CAMK1D: variants seen among roughly 807,000 people sequenced by gnomAD.
The protein encoded by CAMK1D is calcium/calmodulin dependent protein kinase ID.
Under a neutral mutation model 47.7 loss-of-function variants are expected in CAMK1D, and 9 were observed. That is an observed-to-expected ratio of 0.19 (90% CI 0.11 to 0.33). CAMK1D has a LOEUF of 0.33. Among genes scored for constraint, CAMK1D ranks in the 10% least tolerant of loss-of-function variants. The pLI, the probability that CAMK1D is intolerant of heterozygous loss-of-function variation, is 1.00. For synonymous variants in CAMK1D, 184 were observed against 184.9 expected (o/e 0.99, Z 0.04); for missense variants, 291 against 488.7 (o/e 0.60, Z 3.81).
At chr10:12,570,766 G>A (rs1263925359) in intron 2 of CAMK1D, among the ~76,000 whole-genome samples, 6 of 150,196 alleles carry the variant, frequency 4.0e-5, no homozygotes, top group East Asian at 2.0e-4. Flanking sequence ...GGAGTTCAAC[G>A]CCAATCTGGC....
chr10:12,425,936 A>G (rs1840214986), intron 1 of CAMK1D, among the ~76,000 whole-genome samples: 1 of 152,246 alleles, frequency 6.6e-6, no homozygotes, highest in Non-Finnish European at 1.5e-5. Context: ...CTGAGAAAAC[A>G]GACTAAAAAA....
chr10:12,518,919 C>G lies in CAMK1D; in HGVS notation c.93-34306C>G. The stretch of plus-strand genomic sequence containing the variant: ...CACAGACCCGGCAACCATCCGATTT[C>G]TCAATTTTTTCCCCACCCTTCCCGC... On this transcript the variant is annotated intron_variant, in intron 1 of 10. Transcript: ENST00000619168. Among the ~76,000 whole-genome samples, 2 of 130,720 alleles carry G rather than the reference C, an allele frequency of 1.5e-5. 1 individual carries two copies. The highest frequency in any genetic ancestry group is 3.4e-5 in the Non-Finnish European group (2 of 59,334). The allele number at this position is 130,720 out of a possible 152,430, so 85.8% of individuals were successfully genotyped here. A position where few individuals can be genotyped will look rare whatever the true frequency, so the allele number is the denominator to read the frequency against.
At chr10:12,360,721 A>T (rs1837633645) in intron 1 of CAMK1D, among the ~76,000 whole-genome samples, 1 of 152,114 alleles carries the variant, frequency 6.6e-6, no homozygotes, top group African/African-American at 2.4e-5. Context: ...TTGAGGGCTG[A>T]GTGAGGCAAG....
At chr10:12,795,822 C>T (rs1357047914) in intron 6 of CAMK1D, among the ~76,000 whole-genome samples, 1 of 152,170 alleles carries the variant, frequency 6.6e-6, no homozygotes, top group Non-Finnish European at 1.5e-5. Flanking sequence ...GTGATGAGTT[C>T]TTATCCTGCC....
chr10:12,473,260 C>G (rs1315422125), intron 1 of CAMK1D, among the ~76,000 whole-genome samples: 1 of 152,064 alleles, frequency 6.6e-6, no homozygotes, highest in Non-Finnish European at 1.5e-5. Flanking sequence ...TCGTGAAGAC[C>G]TTTGCCTATC....
At chr10:12,386,695 T>A (rs1838505856) in intron 1 of CAMK1D, among the ~76,000 whole-genome samples, 1 of 152,122 alleles carries the variant, frequency 6.6e-6, no homozygotes, top group Non-Finnish European at 1.5e-5. Context: ...GGGCTGGAAG[T>A]GTGTGTGTAC....
Position 12,830,578 on chromosome 10 carries a change from G to C in CAMK1D, c.*1691G>C, listed in dbSNP as rs186422483. ...AGGAATATCCGGGGCAAAGCAGGCT[G>C]TGTTGTTCGCCTTTGTGGAGCCAGG... is the stretch of plus-strand genomic sequence containing the variant. On this transcript the variant is annotated 3_prime_UTR_variant, in exon 11 of 11. Transcript: ENST00000619168. 4.6e-5 allele frequency: 7 copies of C among 152,400 alleles called. No homozygotes were observed. The highest frequency in any genetic ancestry group is 1.7e-4 in the African/African-American group (7 of 41,590). The allele number at this position is 152,400 out of a possible 1,614,324, so 9.4% of individuals were successfully genotyped here. A position where few individuals can be genotyped will look rare whatever the true frequency, so the allele number is the denominator to read the frequency against.
At chr10:12,816,227 C>A in intron 7 of CAMK1D, 23 bp from the exon 8 acceptor site, 1 of 1,607,474 alleles carries the variant, frequency 6.2e-7, no homozygotes, top group South Asian at 1.1e-5. Context: ...TGATTCCTTC[C>A]CTTGTGCCTT....
chr10:12,619,170 T>C (rs141853009), intron 2 of CAMK1D, among the ~76,000 whole-genome samples: 9 of 152,374 alleles, frequency 5.9e-5, no homozygotes, highest in Admixed American at 3.3e-4. Flanking sequence ...AAGTACTTTA[T>C]GTCTAGTAAA....
Position 12,831,428 on chromosome 10 carries a change from A to G in CAMK1D, c.*2541A>G, listed in dbSNP as rs776328194. ...TGAATAGCCCTTTGTGCTGTGTGCT[A>G]TATACAACCATTTGCATTCAGAAAG... On this transcript the variant is annotated 3_prime_UTR_variant, in exon 11 of 11. Transcript: ENST00000619168. 1.3e-5 allele frequency: 2 copies of G among 152,200 alleles called. No homozygotes were observed. The highest frequency in any genetic ancestry group is 2.9e-5 in the Non-Finnish European group (2 of 68,032). 9.4% of individuals were successfully genotyped at this position (152,200 alleles called of 1,614,324 possible).
chr10:12,377,097 A>T (rs1204792770), intron 1 of CAMK1D, among the ~76,000 whole-genome samples: 2 of 152,128 alleles, frequency 1.3e-5, no homozygotes, highest in East Asian at 3.9e-4. Flanking sequence ...TTGTTATTGC[A>T]TGGCTATTTC....
At chr10:12,749,343 A>G (rs1835819508) in intron 3 of CAMK1D, among the ~76,000 whole-genome samples, 1 of 151,496 alleles carries the variant, frequency 6.6e-6, no homozygotes, top group African/African-American at 2.4e-5. Flanking sequence ...ATAGGTTGTT[A>G]AAAATGTTGT....
intron 3 of CAMK1D, among the ~76,000 whole-genome samples, chr10:12,723,893 A>C (rs1834501894): frequency 6.6e-6 from 1 of 152,112 alleles, no homozygotes; most frequent in African/African-American, 2.4e-5. Context: ...TTATCTCCTA[A>C]TGCTATCCCT....
At chr10:12,817,511 A>G (rs147314292) in intron 8 of CAMK1D, among the ~76,000 whole-genome samples, 101 of 152,312 alleles carry the variant, frequency 6.6e-4, no homozygotes, top group African/African-American at 2.2e-3. Context: ...ACTATCAGCT[A>G]GCTGCGATGC....
chr10:12,739,673 G>T (rs1164871450), intron 3 of CAMK1D, among the ~76,000 whole-genome samples: 1 of 152,084 alleles, frequency 6.6e-6, no homozygotes, highest in Non-Finnish European at 1.5e-5. Flanking sequence ...GTGCCCTTTG[G>T]TGGTGGAGTT....
chr10:12,555,834 T>TTTGCA (rs1836743439), intron 2 of CAMK1D, among the ~76,000 whole-genome samples: 1 of 152,214 alleles, frequency 6.6e-6, no homozygotes, highest in Admixed American at 6.6e-5. Flanking sequence ...GTCAGTTTCA[T>TTTGCA]TTTTTAGCAT....
chr10:12,821,056 A>G (rs1832994839), intron 8 of CAMK1D, among the ~76,000 whole-genome samples: 1 of 152,168 alleles, frequency 6.6e-6, no homozygotes, highest in Non-Finnish European at 1.5e-5. Flanking sequence ...GTTTCCTGCA[A>G]TTGTGGGGAC....
chr10:12,722,215 G>A (rs1013356391), intron 3 of CAMK1D, among the ~76,000 whole-genome samples: 8 of 151,926 alleles, frequency 5.3e-5, no homozygotes, highest in African/African-American at 7.3e-5. Flanking sequence ...AGGCTGAGGC[G>A]GGCGGATCAC....
At chr10:12,464,695 G>C (rs1021519833) in intron 1 of CAMK1D, among the ~76,000 whole-genome samples, 2 of 151,874 alleles carry the variant, frequency 1.3e-5, no homozygotes, top group African/African-American at 4.8e-5. Flanking sequence ...GGTACCTGTA[G>C]TCCCAGCTAC....
Sources: gnomAD v4.1 joint callset for allele counts (sites outside exome capture counted in the v4.1 genomes callset) on GRCh38, gnomAD v4.1.1 for gene constraint, MANE v1.5 for transcripts, NCBI Gene and HGNC (gene_info 2026-07-23, HGNC 2026-07-21) for gene names.